LINGO2: variants seen among roughly 807,000 people sequenced by gnomAD.
LINGO2 encodes leucine-rich repeat and immunoglobulin-like domain-containing nogo receptor-interacting protein 2.
A neutral mutation model predicts 30.6 loss-of-function variants in LINGO2; 14 were observed. The observed-to-expected ratio is 0.46, with a 90% CI of 0.30 to 0.72. The LOEUF (loss-of-function observed/expected upper bound fraction) is 0.72. LINGO2 is among the 30% of genes least tolerant of loss of function. The pLI is 0.07. For missense variants in LINGO2, 729 were observed against 751.7 expected (o/e 0.97, Z 0.35); for synonymous variants, 317 against 288.5 (o/e 1.10, Z -1.00).
At chr9:28,800,584 C>T in the LINGO2 span, among the ~76,000 whole-genome samples, 1 of 151,924 alleles carries the variant, frequency 6.6e-6, no homozygotes, top group Non-Finnish European at 1.5e-5. Flanking sequence ...TATCATTGGC[C>T]ATGAAGGCAC....
the LINGO2 span, among the ~76,000 whole-genome samples, chr9:28,883,630 A>ATG: frequency 0.21 from 5,014 of 23,396 alleles, 920 homozygotes; most frequent in Non-Finnish European, 0.37. Flanking sequence ...GTGTGTGTGT[A>ATG]TATATATATA....
the LINGO2 span, among the ~76,000 whole-genome samples, chr9:29,034,423 C>T: frequency 2.2e-3 from 333 of 152,114 alleles, 1 homozygote; most frequent in Non-Finnish European, 3.9e-3. Flanking sequence ...TAACATATTG[C>T]GTGACCTTGG....
chr9:28,888,581 C>T, the LINGO2 span, among the ~76,000 whole-genome samples: 129,477 of 152,020 alleles, frequency 0.85, 55,319 homozygotes, highest in Non-Finnish European at 0.89. Flanking sequence ...AGCACTGGCA[C>T]CATTCATTTC....
At chr9:28,085,186 G>C (rs1825874681) in intron 4 of LINGO2, among the ~76,000 whole-genome samples, 1 of 152,000 alleles carries the variant, frequency 6.6e-6, no homozygotes, top group Non-Finnish European at 1.5e-5. Flanking sequence ...TTAAATATTA[G>C]ACTATATTCT....
the LINGO2 span, among the ~76,000 whole-genome samples, chr9:28,693,185 G>A: frequency 6.6e-6 from 1 of 152,060 alleles, no homozygotes; most frequent in East Asian, 1.9e-4. Flanking sequence ...TGTTGAGGTT[G>A]TATTTTACAT....
the LINGO2 span, among the ~76,000 whole-genome samples, chr9:28,922,972 G>C: frequency 6.6e-6 from 1 of 152,184 alleles, no homozygotes. Context: ...AACCATTAAA[G>C]ATGAATACAA....
At chr9:28,349,417 A>C (rs1378919635) in intron 3 of LINGO2, among the ~76,000 whole-genome samples, 1 of 124,952 alleles carries the variant, frequency 8.0e-6, no homozygotes, top group Non-Finnish European at 1.6e-5. Flanking sequence ...AGATGAAATG[A>C]ATGAAATGAA....
At chr9:28,020,588 T>A (rs1823069400) in intron 4 of LINGO2, among the ~76,000 whole-genome samples, 2 of 151,956 alleles carry the variant, frequency 1.3e-5, no homozygotes, top group African/African-American at 4.8e-5. Flanking sequence ...AACAAGAAAG[T>A]GTTACCTCTG....
At chr9:28,035,893 A>AACACAC (rs111851787) in intron 4 of LINGO2, among the ~76,000 whole-genome samples, 178 of 149,300 alleles carry the variant, frequency 1.2e-3, no homozygotes, top group African/African-American at 1.6e-3. Flanking sequence ...CACACACACA[A>AACACAC]ACACACACAC....
At chr9:28,072,570 C>G (rs2133180852) in intron 4 of LINGO2, among the ~76,000 whole-genome samples, 1 of 152,286 alleles carries the variant, frequency 6.6e-6, no homozygotes, top group South Asian at 2.1e-4. Context: ...TATCCCTTCC[C>G]AGTAGGACTT....
the LINGO2 span, among the ~76,000 whole-genome samples, chr9:28,843,599 C>A: frequency 3.7e-4 from 56 of 151,806 alleles, 1 homozygote; most frequent in African/African-American, 1.4e-3. Context: ...AGAGAGACTC[C>A]AGTGAACAGA....
chr9:29,080,214 T>A, the LINGO2 span, among the ~76,000 whole-genome samples: 2 of 152,154 alleles, frequency 1.3e-5, no homozygotes, highest in Non-Finnish European at 2.9e-5. Flanking sequence ...TCTTCTAGAT[T>A]ATCTAGTTTA....
the LINGO2 span, among the ~76,000 whole-genome samples, chr9:28,946,626 C>T: frequency 1.3e-5 from 2 of 152,070 alleles, no homozygotes; most frequent in South Asian, 2.1e-4. Context: ...TGAAACCATA[C>T]ATTGAAACCT....
intron 1 of LINGO2, among the ~76,000 whole-genome samples, chr9:28,589,431 C>T (rs945754765): frequency 6.6e-6 from 1 of 152,102 alleles, no homozygotes; most frequent in Non-Finnish European, 1.5e-5. Flanking sequence ...TCTCCTTAAG[C>T]TGATAAGCAA....
chr9:28,931,142 C>T, the LINGO2 span, among the ~76,000 whole-genome samples: 5,870 of 152,248 alleles, frequency 0.039, 369 homozygotes, highest in African/African-American at 0.13. Flanking sequence ...TAGCCATATA[C>T]TCCATGGTAT....
At chr9:28,901,922 G>A in the LINGO2 span, among the ~76,000 whole-genome samples, 1 of 152,066 alleles carries the variant, frequency 6.6e-6, no homozygotes, top group Admixed American at 6.6e-5. Context: ...CAGGAACAGT[G>A]GCTCCCACCT....
chr9:28,485,019 T>C (rs1177427529), intron 1 of LINGO2, among the ~76,000 whole-genome samples: 4 of 152,102 alleles, frequency 2.6e-5, no homozygotes, highest in Non-Finnish European at 5.9e-5. Context: ...CACTAATGCC[T>C]GTGGTTCTCA....
intron 1 of LINGO2, among the ~76,000 whole-genome samples, chr9:28,482,476 T>A (rs970244154): frequency 6.6e-6 from 1 of 152,026 alleles, no homozygotes; most frequent in African/African-American, 2.4e-5. Flanking sequence ...GGGTTGTTTG[T>A]TTTTTTCTTG....
chr9:28,993,245 C>T, the LINGO2 span, among the ~76,000 whole-genome samples: 260 of 152,100 alleles, frequency 1.7e-3, no homozygotes, highest in Admixed American at 3.3e-3. Flanking sequence ...CACCTCTATG[C>T]AAATAAACTA....
Sources: allele counts gnomAD v4.1 joint callset (sites outside exome capture counted in the v4.1 genomes callset), GRCh38; gene constraint gnomAD v4.1.1; transcripts MANE v1.5; gene names NCBI Gene and HGNC (gene_info 2026-07-23, HGNC 2026-07-21).